The following PDXDC1 variants were observed in gnomAD, a reference collection of about 807,000 sequenced individuals.
The protein encoded by PDXDC1 is pyridoxal dependent decarboxylase domain containing 1, also known as pyridoxal-dependent decarboxylase domain-containing protein 1.
In PDXDC1, 42 loss-of-function variants were observed where a neutral mutation model predicts 100.1. That is an observed-to-expected ratio of 0.42 (90% confidence interval 0.33 to 0.54). PDXDC1 has a LOEUF of 0.54. Ranked by LOEUF, PDXDC1 falls within the 20% of genes least tolerant of loss-of-function variation. The pLI, the probability that PDXDC1 is intolerant of heterozygous loss-of-function variation, is 0.10. For synonymous variants in PDXDC1, 260 were observed against 371.7 expected (o/e 0.70, Z 3.46); for missense variants, 636 against 979.2 (o/e 0.65, Z 4.68).
In PDXDC1 at chr16:15,037,654, ATGT is replaced by A. The variant is rs907398842; in HGVS notation, c.*1382_*1384del. 1.3e-4 allele frequency: 21 copies of A among 164,782 alleles called. No homozygotes were observed. The highest frequency in any genetic ancestry group is 2.6e-4 in the Non-Finnish European group (20 of 77,040). The allele number at this position is 164,782 out of a possible 1,614,324, so 10.2% of individuals were successfully genotyped here. On this transcript the variant is annotated 3_prime_UTR_variant, in exon 23 of 23. Transcript: ENST00000396410. ...ATTTCACCCTTGAGATATTATTTGAATGTTGGTTTCAATAAAGGTTCTTGAAAT... is the reference window on the plus strand; with the variant it reads ...ATTTCACCCTTGAGATATTATTTGAATGGTTTCAATAAAGGTTCTTGAAAT...
intron 16 of PDXDC1, chr16:15,076,420 T>G (rs575104238): frequency 4.6e-5 from 32 of 689,674 alleles, no homozygotes; most frequent in African/African-American, 3.9e-4. Context: ...AGCAAATTAC[T>G]CATATAAGGA....
rs368624694 is a variant in PDXDC1 at position 15,074,683 on chromosome 16, C to T, written c.1399+44627C>T. On this transcript the variant is annotated intron_variant, in intron 16 of 16. Coordinates refer to the PDXDC1 transcript ENST00000535621. ...AAAATGCCCAGCACAAAGCCAGGTA[C>T]ACTGCAGGTGTTCAATAAACAGTAG... 12 of 1,529,724 alleles carry T rather than the reference C, an allele frequency of 7.8e-6. No homozygotes were observed. The African/African-American group carries it at 1.4e-4, about 18-fold the overall frequency. The allele number at this position is 1,529,724 out of a possible 1,614,324, so 94.8% of individuals were successfully genotyped here.
At position 15,061,978 on chromosome 16, in the gene PDXDC1, G is replaced by A. The variant is rs1424118064; in HGVS notation, c.1399+31922G>A. 1.8e-5 allele frequency: 26 copies of A among 1,432,662 alleles called. No homozygotes were observed. The East Asian group carries it at 2.5e-4, about 14-fold the overall frequency. The allele number at this position is 1,432,662 out of a possible 1,614,324, so 88.7% of individuals were successfully genotyped here. A position where few individuals can be genotyped will look rare whatever the true frequency, so the allele number is the denominator to read the frequency against. ...AAAGCTTTCAACAATTCCTTCCTCA[G>A]GAAGGTGTTAACGTTTGTAAAGATG... On this transcript the variant is annotated intron_variant, in intron 16 of 16. Coordinates refer to the PDXDC1 transcript ENST00000535621.
intron 8 of PDXDC1, among the ~76,000 whole-genome samples, chr16:15,015,294 G>T (rs1441907399): frequency 6.6e-6 from 1 of 152,292 alleles, no homozygotes; most frequent in Non-Finnish European, 1.5e-5. Context: ...TCCAGGAAGT[G>T]ACAATAAAAT....
chr16:15,126,032 C>G lies in PDXDC1; in HGVS notation c.1400-12847C>G, dbSNP rs192564618. 2.7e-4 allele frequency: 156 copies of G among 587,410 alleles called. 1 individual carries two copies. The East Asian group carries it at 3.6e-3, about 14-fold the overall frequency. The allele number at this position is 587,410 out of a possible 1,614,324, so 36.4% of individuals were successfully genotyped here. A position where few individuals can be genotyped will look rare whatever the true frequency, so the allele number is the denominator to read the frequency against. ...TGGTGCAGCTAAGGAACAGAGTTTT[C>G]AATTTCATTTTTTTTTTTCTTAGAT... On this transcript the variant is annotated intron_variant, in intron 16 of 16. Coordinates refer to the PDXDC1 transcript ENST00000535621.
intron 16 of PDXDC1, chr16:15,133,125 C>T (rs1281165954): frequency 2.0e-5 from 13 of 663,172 alleles, no homozygotes; most frequent in East Asian, 1.4e-4. Context: ...AGCGGAACGT[C>T]GGGGTGCTGC....
At chr16:15,052,116 C>T (rs1163837263) in intron 16 of PDXDC1, among the ~76,000 whole-genome samples, 2 of 152,100 alleles carry the variant, frequency 1.3e-5, no homozygotes, top group Admixed American at 6.5e-5. Context: ...CTGAAAAAGG[C>T]CAGACAGTAA....
intron 14 of PDXDC1, among the ~76,000 whole-genome samples, chr16:15,028,340 C>T (rs1197967908): frequency 3.9e-5 from 6 of 152,302 alleles, no homozygotes; most frequent in Admixed American, 6.5e-5. Context: ...CCCTGCCTAT[C>T]GTGCCTGAGG....
rs2043469393 is a variant in PDXDC1, at chr16:15,036,599, A to T, written c.*324A>T. 1 of 340,920 alleles carries T rather than the reference A, an allele frequency of 2.9e-6. No homozygotes were observed. The highest frequency in any genetic ancestry group is 2.1e-5 in the African/African-American group (1 of 48,208). 21.1% of individuals were successfully genotyped at this position (340,920 alleles called of 1,614,324 possible). On this transcript the variant is annotated 3_prime_UTR_variant, in exon 23 of 23. Transcript: ENST00000396410. Reference sequence around the variant, plus strand: ...GCTCTTTCTAAACATAAGCCTAAGTATATGAGGTTGCCCGTGGCAACTTTT... The same window carrying T: ...GCTCTTTCTAAACATAAGCCTAAGTTTATGAGGTTGCCCGTGGCAACTTTT...
intron 5 of PDXDC1, among the ~76,000 whole-genome samples, chr16:15,005,673 T>G (rs1974104102): frequency 6.6e-6 from 1 of 152,268 alleles, no homozygotes; most frequent in South Asian, 2.1e-4. Context: ...CTCAGCAGAT[T>G]ATAGTAAAAC....
chr16:15,041,801 G>A (rs549961857), downstream of PDXDC1: 9 of 726,302 alleles, frequency 1.2e-5, no homozygotes, highest in African/African-American at 6.9e-5. Context: ...TACAGCCCGC[G>A]CCCACACTGC....
chr16:14,976,310 G>A (rs1314617055), intron 1 of PDXDC1, among the ~76,000 whole-genome samples: 3 of 152,274 alleles, frequency 2.0e-5, no homozygotes, highest in Non-Finnish European at 4.4e-5. Context: ...GAGCTGGTAG[G>A]AATAATATAT....
chr16:14,989,108 A>G, intron 1 of PDXDC1: 2 of 1,614,276 alleles, frequency 1.2e-6, no homozygotes, highest in East Asian at 2.2e-5. Flanking sequence ...TGTGGGTGTC[A>G]GTGATCTTCA....
At chr16:15,061,932 A>G (rs769478361) in intron 16 of PDXDC1, 1 of 1,596,188 alleles carries the variant, frequency 6.3e-7, no homozygotes, top group East Asian at 2.3e-5. Flanking sequence ...AATCATCAGT[A>G]ACATCACCAG....
chr16:14,983,629 G>C (rs373685561), intron 1 of PDXDC1, among the ~76,000 whole-genome samples: 1 of 146,352 alleles, frequency 6.8e-6, no homozygotes. Flanking sequence ...AGCTCTGTAT[G>C]TCTTAAACAG....
At chr16:15,023,529 C>T (rs79303621) in intron 13 of PDXDC1, among the ~76,000 whole-genome samples, 8,646 of 152,018 alleles carry the variant, frequency 0.057, 746 homozygotes, top group East Asian at 0.37. Flanking sequence ...CATGGTGGCA[C>T]ACGCCTGTAG....
intron 1 of PDXDC1, chr16:14,988,125 T>C: frequency 7.6e-7 from 1 of 1,319,482 alleles, no homozygotes; most frequent in Non-Finnish European, 1.1e-6. Context: ...CCACACTCGC[T>C]TCTGCGTCAC....
Position 15,132,689 on chromosome 16 carries a change from C to T in PDXDC1, c.1400-6190C>T, listed in dbSNP as rs1486775950. On this transcript the variant is annotated intron_variant, in intron 16 of 16. Coordinates refer to the PDXDC1 transcript ENST00000535621. Reference sequence around the variant, plus strand: ...TGAACCCAGTACCCTGGCAGGCATGCGGGGCGGGGTGAGCATGTGGGGCCA... The same window carrying T: ...TGAACCCAGTACCCTGGCAGGCATGTGGGGCGGGGTGAGCATGTGGGGCCA... 64 of 780,654 alleles carry T rather than the reference C, an allele frequency of 8.2e-5. 1 individual carries two copies. The highest frequency in any genetic ancestry group is 3.5e-4 in the Middle Eastern group (1 of 2,850). The allele number at this position is 780,654 out of a possible 1,614,324, so 48.4% of individuals were successfully genotyped here.
At chr16:15,133,084 C>T (rs970147478) in intron 16 of PDXDC1, 15 of 623,234 alleles carry the variant, frequency 2.4e-5, no homozygotes, top group South Asian at 3.9e-5. Context: ...AAGCAGACGC[C>T]GGAGAGGGCC....
Sources: allele counts gnomAD v4.1 joint callset (sites outside exome capture counted in the v4.1 genomes callset), GRCh38; gene constraint gnomAD v4.1.1; transcripts MANE v1.5; gene names NCBI Gene and HGNC (gene_info 2026-07-23, HGNC 2026-07-21).